Variants in TRPM3 observed in about 807,000 individuals in gnomAD.
The protein encoded by TRPM3 is transient receptor potential cation channel subfamily M member 3.
TRPM3 carries 77 observed loss-of-function variants against 181.2 expected under a neutral mutation model. The ratio of observed to expected loss-of-function variants is 0.42; its 90% CI spans 0.35 to 0.51. The LOEUF is 0.51. Ranked by LOEUF, TRPM3 falls within the 20% of genes least tolerant of loss-of-function variation. The probability of loss-of-function intolerance (pLI) is 0.01; values close to 1 mark genes in which losing one functional copy is unlikely to be tolerated. For synonymous variants in TRPM3, 745 were observed against 796.4 expected (o/e 0.94, Z 1.09); for missense variants, 1,759 against 2,196.7 (o/e 0.80, Z 3.98).
At chr9:70,677,890 T>A (rs1590193593) in intron 9 of TRPM3, among the ~76,000 whole-genome samples, 2 of 151,946 alleles carry the variant, frequency 1.3e-5, no homozygotes, top group Non-Finnish European at 2.9e-5. Flanking sequence ...GCACTCCTAG[T>A]GAAGTTTGAA....
At chr9:70,830,337 C>T (rs1312603068) in intron 5 of TRPM3, among the ~76,000 whole-genome samples, 1 of 152,174 alleles carries the variant, frequency 6.6e-6, no homozygotes, top group African/African-American at 2.4e-5. Flanking sequence ...ATTCTATATA[C>T]AGTATCTGTA....
At chr9:71,245,636 C>G (rs2081994272) in intron 1 of TRPM3, among the ~76,000 whole-genome samples, 1 of 151,928 alleles carries the variant, frequency 6.6e-6, no homozygotes, top group South Asian at 2.1e-4. Flanking sequence ...TTAACCAGGG[C>G]AGTAGTGGTG....
chr9:70,671,039 T>A (rs1312108142), intron 9 of TRPM3, among the ~76,000 whole-genome samples: 1 of 152,200 alleles, frequency 6.6e-6, no homozygotes, highest in East Asian at 1.9e-4. Context: ...AGGCACTGTG[T>A]ATATGAGTAC....
intron 1 of TRPM3, among the ~76,000 whole-genome samples, chr9:71,241,688 C>G (rs1399074668): frequency 3.9e-5 from 6 of 152,084 alleles, no homozygotes; most frequent in Non-Finnish European, 8.8e-5. Flanking sequence ...TAACATTCTT[C>G]ACAGAATAAA....
intron 1 of TRPM3, among the ~76,000 whole-genome samples, chr9:71,075,527 A>T (rs2063338183): frequency 6.6e-6 from 1 of 152,180 alleles, no homozygotes; most frequent in South Asian, 2.1e-4. Context: ...GAAAACAACT[A>T]TCCCCTCTCC....
rs577009652 is a variant in TRPM3, at chr9:70,591,280, T to C, written c.3049-75A>G. 8 of 1,327,972 alleles carry C rather than the reference T, an allele frequency of 6.0e-6. No individual in the cohort carries two copies. The East Asian group carries it at 1.9e-4, about 31-fold the overall frequency. The allele number at this position is 1,327,972 out of a possible 1,614,324, so 82.3% of individuals were successfully genotyped here. On this transcript the variant is annotated intron_variant, in intron 21 of 25. Transcript: ENST00000677713. ...TGAGTGTTCTTATAATTGCTGACAA[T>C]GATGGGAACCTTTGGAGGAGGTCCA...
chr9:70,995,240 C>T (rs1330668695), intron 1 of TRPM3, among the ~76,000 whole-genome samples: 1 of 152,144 alleles, frequency 6.6e-6, no homozygotes. Context: ...GTTAGAAGAC[C>T]TAATTAACTC....
chr9:71,284,738 C>G (rs1184026481), intron 1 of TRPM3, among the ~76,000 whole-genome samples: 1 of 152,134 alleles, frequency 6.6e-6, no homozygotes, highest in Non-Finnish European at 1.5e-5. Context: ...TTTACCATAA[C>G]TCAATTAAGA....
chr9:70,943,191 T>C lies in TRPM3; in HGVS notation c.178-78680A>G, dbSNP rs147976267. Among the ~76,000 whole-genome samples the C allele has an allele frequency of 3.2e-3, 481 of 152,342 alleles. 4 individuals carry two copies. Among genetic ancestry groups the C allele is most frequent in the African/African-American group, 0.011 (454 of 41,570 alleles). ...GATTAGGTGACTCACAGCAGGTGAC[T>C]GATGAATATTGGCTGAAGTATAATC... is the stretch of plus-strand genomic sequence containing the variant. On this transcript the variant is annotated intron_variant, in intron 1 of 25. Transcript: ENST00000677713.
intron 6 of TRPM3, among the ~76,000 whole-genome samples, chr9:70,819,993 C>A (rs1001284316): frequency 6.6e-6 from 1 of 152,116 alleles, no homozygotes; most frequent in Non-Finnish European, 1.5e-5. Context: ...TGACTCAAAT[C>A]TAATATTTCA....
chr9:71,373,401 A>C (rs763036413), intron 1 of TRPM3, among the ~76,000 whole-genome samples: 1 of 152,110 alleles, frequency 6.6e-6, no homozygotes, highest in Non-Finnish European at 1.5e-5. Context: ...AAAGAACATG[A>C]GAGAGAAGAA....
intron 1 of TRPM3, among the ~76,000 whole-genome samples, chr9:70,910,652 T>TA (rs1290708979): frequency 6.6e-6 from 1 of 152,204 alleles, no homozygotes; most frequent in East Asian, 1.9e-4. Flanking sequence ...CTTCAGCTTC[T>TA]AAAAATCAAG....
intron 7 of TRPM3, among the ~76,000 whole-genome samples, chr9:70,779,624 C>T (rs2082090197): frequency 6.6e-6 from 1 of 152,026 alleles, no homozygotes; most frequent in South Asian, 2.1e-4. Context: ...TATGGTATCC[C>T]CAACTATGAG....
At chr9:70,793,558 T>G (rs111914663) in intron 6 of TRPM3, 15 of 468,520 alleles carry the variant, frequency 3.2e-5, no homozygotes, top group African/African-American at 1.2e-4. Flanking sequence ...CATACATATA[T>G]ATACCCCTTT....
intron 21 of TRPM3, among the ~76,000 whole-genome samples, chr9:70,596,512 A>G (rs1309945597): frequency 6.6e-6 from 1 of 152,118 alleles, no homozygotes; most frequent in Admixed American, 6.5e-5. Context: ...CGGGTGGATC[A>G]CTTGAGATCA....
At chr9:70,862,294 T>C (rs1433900701) in intron 3 of TRPM3, among the ~76,000 whole-genome samples, 1 of 152,142 alleles carries the variant, frequency 6.6e-6, no homozygotes, top group Non-Finnish European at 1.5e-5. Context: ...AAGCAAAAAC[T>C]CTTAGAAGTA....
intron 1 of TRPM3, among the ~76,000 whole-genome samples, chr9:71,382,991 C>T (rs1193971010): frequency 6.6e-6 from 1 of 152,078 alleles, no homozygotes; most frequent in Non-Finnish European, 1.5e-5. Flanking sequence ...AAGCCCAAAA[C>T]AATATTGTAT....
At chr9:70,612,090 T>TAGTA (rs1413866859) in intron 18 of TRPM3, among the ~76,000 whole-genome samples, 1 of 152,206 alleles carries the variant, frequency 6.6e-6, no homozygotes. Flanking sequence ...ATCTGGCACT[T>TAGTA]AGTAAGTGCT....
At chr9:70,919,011 T>C (rs544872486) in intron 1 of TRPM3, among the ~76,000 whole-genome samples, 1 of 152,200 alleles carries the variant, frequency 6.6e-6, no homozygotes, top group South Asian at 2.1e-4. Context: ...GAATCTCCTC[T>C]CTTTCCTCAG....
Sources: gnomAD v4.1 joint callset for allele counts (sites outside exome capture counted in the v4.1 genomes callset) on GRCh38, gnomAD v4.1.1 for gene constraint, MANE v1.5 for transcripts, NCBI Gene and HGNC (gene_info 2026-07-23, HGNC 2026-07-21) for gene names.